Variants in GRIA1 observed in about 807,000 individuals in gnomAD.
GRIA1 encodes glutamate receptor 1.
A neutral mutation model predicts 99.2 loss-of-function variants in GRIA1; 31 were observed. The observed-to-expected ratio is 0.31, with a 90% CI of 0.23 to 0.42. The LOEUF is 0.42. GRIA1 is among the 10% of genes least tolerant of loss of function. The pLI is 1.00. For missense variants in GRIA1, 782 were observed against 1,157.5 expected (o/e 0.68, Z 4.71); for synonymous variants, 438 against 432.4 (o/e 1.01, Z -0.16).
intron 2 of GRIA1, among the ~76,000 whole-genome samples, chr5:153,579,586 C>T (rs895449414): frequency 6.6e-6 from 1 of 152,166 alleles, no homozygotes; most frequent in Non-Finnish European, 1.5e-5. Context: ...TTGAATGACA[C>T]ATGTTTAGTA....
intron 2 of GRIA1, among the ~76,000 whole-genome samples, chr5:153,564,234 C>T (rs562624238): frequency 6.6e-6 from 1 of 152,290 alleles, no homozygotes; most frequent in Non-Finnish European, 1.5e-5. Context: ...GGTAAATATT[C>T]AGTCATATGG....
chr5:153,531,904 A>T (rs1419668184), intron 2 of GRIA1, among the ~76,000 whole-genome samples: 3 of 152,114 alleles, frequency 2.0e-5, no homozygotes, highest in Non-Finnish European at 4.4e-5. Flanking sequence ...ACATTTAAGG[A>T]CTGTGCACCT....
rs139536451 is a variant in GRIA1, at chr5:153,537,353, C to T, written c.220+43288C>T. 9.1e-4 allele frequency among the ~76,000 whole-genome samples: 139 copies of T among 152,290 alleles called. No individual in the cohort carries two copies. The East Asian group carries it at 0.017, about 19-fold the overall frequency. On this transcript the variant is annotated intron_variant, in intron 2 of 15. Transcript: ENST00000285900. Reference sequence around the variant, plus strand: ...AGTGGAAAACTAATGATTTCTCCCCCGCAGACCTGCCTAGCGAAGGGCCCC... The same window carrying T: ...AGTGGAAAACTAATGATTTCTCCCCTGCAGACCTGCCTAGCGAAGGGCCCC...
chr5:153,641,292 A>T (rs1338957906), intron 2 of GRIA1, among the ~76,000 whole-genome samples: 2 of 152,120 alleles, frequency 1.3e-5, no homozygotes, highest in Admixed American at 6.6e-5. Flanking sequence ...AAGTGACAAT[A>T]AAAAAGGAGT....
At chr5:153,553,227 T>C (rs966000808) in intron 2 of GRIA1, among the ~76,000 whole-genome samples, 24 of 152,360 alleles carry the variant, frequency 1.6e-4, no homozygotes, top group African/African-American at 5.1e-4. Context: ...GTGATGCTCA[T>C]GGGATTCCCA....
chr5:153,606,119 G>T (rs904795998), intron 2 of GRIA1, among the ~76,000 whole-genome samples: 1 of 152,014 alleles, frequency 6.6e-6, no homozygotes, highest in Non-Finnish European at 1.5e-5. Flanking sequence ...TTTATTTAGG[G>T]TATAGTATAG....
chr5:153,624,525 C>T (rs1034029413), intron 2 of GRIA1, among the ~76,000 whole-genome samples: 7 of 152,222 alleles, frequency 4.6e-5, no homozygotes, highest in Non-Finnish European at 2.9e-5. Flanking sequence ...CCCCTTGAGA[C>T]TTGTTCACCT....
At chr5:153,620,860 G>A (rs1766975229) in intron 2 of GRIA1, among the ~76,000 whole-genome samples, 1 of 152,090 alleles carries the variant, frequency 6.6e-6, no homozygotes, top group Non-Finnish European at 1.5e-5. Context: ...CCCTAGTTCT[G>A]CCTTTATTTG....
intron 2 of GRIA1, among the ~76,000 whole-genome samples, chr5:153,499,597 G>C (rs1754769738): frequency 1.7e-5 from 2 of 115,310 alleles, no homozygotes; most frequent in African/African-American, 3.7e-5. Context: ...CCTGGCAACA[G>C]AGCGAGAATT....
rs1493399 is a variant in GRIA1, at chr5:153,622,904, C to T, written c.221-24024C>T. 7.1e-3 allele frequency among the ~76,000 whole-genome samples: 1,083 copies of T among 152,148 alleles called. 12 individuals are homozygous for T. The highest frequency in any genetic ancestry group is 0.017 in the Middle Eastern group (5 of 294). On this transcript the variant is annotated intron_variant, in intron 2 of 15. Coordinates refer to ENST00000285900, the MANE Select transcript of GRIA1 (RefSeq NM_000827.4). ...CAGGGTGTTTGCAGAGGCCTAGATG[C>T]GGCACCTACACTCAGTCTTATGTAA... is the stretch of plus-strand genomic sequence containing the variant.
chr5:153,686,942 CCA>C (rs1757382596), intron 8 of GRIA1, among the ~76,000 whole-genome samples: 1 of 152,158 alleles, frequency 6.6e-6, no homozygotes, highest in Non-Finnish European at 1.5e-5. Flanking sequence ...TCTCTCCACT[CCA>C]GTCATTCTGT....
intron 7 of GRIA1, among the ~76,000 whole-genome samples, chr5:153,684,504 G>A (rs1757208448): frequency 6.6e-6 from 1 of 152,102 alleles, no homozygotes; most frequent in Non-Finnish European, 1.5e-5. Context: ...TTGAGACTGG[G>A]GCTGAAAAGT....
intron 2 of GRIA1, among the ~76,000 whole-genome samples, chr5:153,561,623 G>C (rs1561643338): frequency 6.6e-6 from 1 of 152,154 alleles, no homozygotes; most frequent in Non-Finnish European, 1.5e-5. Flanking sequence ...GGGAAAAAAA[G>C]CTTTTACCTT....
intron 11 of GRIA1, among the ~76,000 whole-genome samples, chr5:153,748,313 G>A (rs757245787): frequency 7.2e-5 from 11 of 152,306 alleles, no homozygotes; most frequent in Non-Finnish European, 1.5e-4. Flanking sequence ...TTTCAGGGAA[G>A]TGAGTTCCAG....
chr5:153,613,210 A>G (rs867032861), intron 2 of GRIA1, among the ~76,000 whole-genome samples: 3 of 152,306 alleles, frequency 2.0e-5, no homozygotes, highest in Middle Eastern at 3.4e-3. Flanking sequence ...GGCTCCTGAA[A>G]GGAGACACTG....
chr5:153,599,429 T>C (rs1764701612), intron 2 of GRIA1, among the ~76,000 whole-genome samples: 1 of 90,466 alleles, frequency 1.1e-5, no homozygotes. Flanking sequence ...AGGGGTTTGG[T>C]ACCAGGACTC....
rs528722092 is a variant in GRIA1, at chr5:153,535,811, G to A, written c.220+41746G>A. ...CTAATCACCCAGAAAGAGACCAAGA[G>A]ACTTTTGATTCTTTTTCCCTTATCC... On this transcript the variant is annotated intron_variant, in intron 2 of 15. Transcript: ENST00000285900. 2.6e-5 allele frequency among the ~76,000 whole-genome samples: 4 copies of A among 152,326 alleles called. No homozygotes were observed. The South Asian group carries it at 8.3e-4, about 32-fold the overall frequency.
At chr5:153,786,389 C>T (rs2926856) in intron 13 of GRIA1, among the ~76,000 whole-genome samples, 92,878 of 151,566 alleles carry the variant, frequency 0.61, 29,378 homozygotes, top group East Asian at 0.94. Context: ...TCAGAATTCA[C>T]CTCTCTCCTC....
chr5:153,581,752 CTCTTT>C (rs1223941555), intron 2 of GRIA1, among the ~76,000 whole-genome samples: 2 of 61,452 alleles, frequency 3.3e-5, no homozygotes, highest in African/African-American at 1.4e-4. Context: ...TCTTTCTTTT[CTCTTT>C]TTTTTTTTTT....
Sources: allele counts gnomAD v4.1 joint callset (sites outside exome capture counted in the v4.1 genomes callset), GRCh38; gene constraint gnomAD v4.1.1; transcripts MANE v1.5; gene names NCBI Gene and HGNC (gene_info 2026-07-23, HGNC 2026-07-21).